ESPNL: variants seen among roughly 807,000 people sequenced by gnomAD.
The protein encoded by ESPNL is espin like.
In ESPNL, 49 loss-of-function variants were observed where a neutral mutation model predicts 46.8. That is an observed-to-expected ratio of 1.05 (90% CI 0.83 to 1.33). ESPNL has a LOEUF of 1.33. Among genes scored for constraint, ESPNL ranks in the 40% most tolerant of loss-of-function variants. The probability of loss-of-function intolerance (pLI) is 0.00; values close to 1 mark genes in which losing one functional copy is unlikely to be tolerated. For missense variants in ESPNL, 1,540 were observed against 1,436.6 expected (o/e 1.07, Z -1.16); for synonymous variants, 664 against 662.1 (o/e 1.00, Z -0.04).
intron 5 of ESPNL, among the ~76,000 whole-genome samples, chr2:238,118,361 GAAT>G (rs1574736409): frequency 5.4e-4 from 55 of 101,366 alleles, no homozygotes; most frequent in East Asian, 2.2e-3. Context: ...GATGGAGGAG[GAAT>G]GGATGGAGGA....
rs1691930371 is a variant in ESPNL at position 238,119,444 on chromosome 2, A to AT, written c.987+2410_987+2411insT. On this transcript the variant is annotated intron_variant, in intron 5 of 8. Transcript: ENST00000343063. Reference sequence around the variant, plus strand: ...AGGGTAGATGGAGGAGGGGAGGTGGAGGAGAGGAGGTTAGATGAAGGAGGA... The same window carrying AT: ...AGGGTAGATGGAGGAGGGGAGGTGGATGGAGAGGAGGTTAGATGAAGGAGGA... Among the ~76,000 whole-genome samples, 6 of 72,476 alleles carry AT rather than the reference A, an allele frequency of 8.3e-5. 1 individual carries two copies. Among genetic ancestry groups the AT allele is most frequent in the African/African-American group, 3.8e-4 (6 of 15,606 alleles). The allele number at this position is 72,476 out of a possible 152,430, so 47.5% of individuals were successfully genotyped here. A position where few individuals can be genotyped will look rare whatever the true frequency, so the allele number is the denominator to read the frequency against.
Position 238,124,693 on chromosome 2 carries a change from ACG to A in ESPNL, c.988-576_988-575del, listed in dbSNP as rs1461123671. Among the ~76,000 whole-genome samples the A allele has an allele frequency of 5.4e-4, 54 of 99,506 alleles. 3 individuals carry two copies. The South Asian group carries it at 0.014, about 26-fold the overall frequency. The allele number at this position is 99,506 out of a possible 152,430, so 65.3% of individuals were successfully genotyped here. On this transcript the variant is annotated intron_variant, in intron 5 of 8. Transcript: ENST00000343063. The stretch of plus-strand genomic sequence containing the variant: ...TACATGTGTGTGTGTGCAGGAGAGT[ACG>A]TGCATGTGTGTGCAGGAGAGTACGT...
intron 4 of ESPNL, among the ~76,000 whole-genome samples, chr2:238,116,182 T>C (rs1386225629): frequency 6.6e-6 from 1 of 152,166 alleles, no homozygotes; most frequent in Non-Finnish European, 1.5e-5. Context: ...ATTCTTGAGG[T>C]CCCCCGTCCC....
Position 238,100,677 on chromosome 2 carries a change from G to A in ESPNL, c.258G>A (p.Leu86=), listed in dbSNP as rs763461066. 2.8e-5 allele frequency: 41 copies of A among 1,438,654 alleles called. No homozygotes were observed. In the African/African-American group the frequency reaches 6.0e-4, roughly 21 times the overall value. 89.1% of individuals were successfully genotyped at this position (1,438,654 alleles called of 1,614,324 possible). ...CTGCCACGGGCAGCCTGGCCGAGCT[G>A]TGCTGGCTGGTCCGCGAGGGGGGCT... ...DAAATGSLAE[L]CWLVREGGCG... The change falls in exon 1 of 9, where the codon CTG becomes CTA. Residue 86 remains leucine, a synonymous_variant. Transcript: ENST00000343063.
At chr2:238,102,485 G>A (rs1691507115) in intron 2 of ESPNL, among the ~76,000 whole-genome samples, 1 of 152,172 alleles carries the variant, frequency 6.6e-6, no homozygotes, top group Non-Finnish European at 1.5e-5. Flanking sequence ...GTGGGCAGCT[G>A]GCAACCTGTG....
chr2:238,124,784 AGTAC>A (rs749000272), intron 5 of ESPNL, among the ~76,000 whole-genome samples: 3 of 139,552 alleles, frequency 2.1e-5, no homozygotes, highest in Middle Eastern at 4.3e-3. Context: ...TGTGCAGGAG[AGTAC>A]GTGCGTGTGT....
chr2:238,126,726 G>A (rs955405032), intron 6 of ESPNL, among the ~76,000 whole-genome samples: 8 of 151,096 alleles, frequency 5.3e-5, no homozygotes, highest in Non-Finnish European at 7.4e-5. Context: ...GTGTCTCTGC[G>A]TATGATTGTG....
At chr2:238,102,946 G>A (rs1242229095) in intron 2 of ESPNL, among the ~76,000 whole-genome samples, 3 of 152,174 alleles carry the variant, frequency 2.0e-5, no homozygotes, top group Admixed American at 6.5e-5. Flanking sequence ...GACAAGCCCC[G>A]ACAGCTTGCT....
chr2:238,120,413 G>A (rs1453880631), intron 5 of ESPNL, among the ~76,000 whole-genome samples: 3 of 152,216 alleles, frequency 2.0e-5, no homozygotes, highest in Admixed American at 1.3e-4. Flanking sequence ...GACCTCCTGG[G>A]AGTCCCTGAC....
At position 238,130,236 on chromosome 2, in the gene ESPNL, G is replaced by C. The variant is rs74998872; in HGVS notation, c.1522G>C (p.Val508Leu). ...FGELLTEDDL[V>L]YLEKQIADLQ... ...GGAGCTGCTGACAGAGGATGACCTGGTCTACCTGGAGAAGCAGATTGCAGA... is the reference window on the plus strand; with the variant it reads ...GGAGCTGCTGACAGAGGATGACCTGCTCTACCTGGAGAAGCAGATTGCAGA... Residue 508 changes from valine (V) to leucine (L), a missense_variant, in exon 9 of 9, where the codon GTC becomes CTC. Transcript: ENST00000343063. 222 of 1,611,360 alleles carry C rather than the reference G, an allele frequency of 1.4e-4. No individual in the cohort carries two copies. In the East Asian group the frequency reaches 4.5e-3, roughly 33 times the overall value.
In ESPNL at chr2:238,131,562, CCCCTGCCT is replaced by C; in HGVS notation, c.2850_2857del (p.Leu951ArgfsTer9). 1 of 1,610,980 alleles carries C rather than the reference CCCCTGCCT, an allele frequency of 6.2e-7. No homozygotes were observed. Among genetic ancestry groups the C allele is most frequent in the Non-Finnish European group, 8.5e-7 (1 of 1,178,916 alleles). On this transcript the variant is annotated frameshift_variant, in exon 9 of 9. Coordinates refer to ENST00000343063, the MANE Select transcript of ESPNL (RefSeq NM_194312.4). LOFTEE classifies it low-confidence loss of function (END_TRUNC). The stretch of plus-strand genomic sequence containing the variant: ...CAAGTCAGGTCTGACCCTGCTCGGG[CCCCTGCCT>C]CACGCCGCCGTCCCCTGCAGCGGCC...
intron 4 of ESPNL, among the ~76,000 whole-genome samples, chr2:238,116,493 A>G (rs560638557): frequency 6.6e-6 from 1 of 152,312 alleles, no homozygotes; most frequent in South Asian, 2.1e-4. Flanking sequence ...AGTAGCCCTG[A>G]GTCCCTGGGG....
Position 238,104,808 on chromosome 2 carries a change from C to T in ESPNL, c.638C>T (p.Ala213Val), listed in dbSNP as rs376798619. 150 of 1,553,144 alleles carry T rather than the reference C, an allele frequency of 9.7e-5. No individual in the cohort carries two copies. The highest frequency in any genetic ancestry group is 1.3e-4 in the Non-Finnish European group (146 of 1,151,288). ...LDGMSALHAA[A>V]ARGHYSLVVW... Reference sequence around the variant, plus strand: ...GGCATGAGCGCCCTGCACGCTGCCGCCGCCCGTGGCCACTACTCCCTCGTC... The same window carrying T: ...GGCATGAGCGCCCTGCACGCTGCCGTCGCCCGTGGCCACTACTCCCTCGTC... The change falls in exon 3 of 9, where the codon GCC (alanine) becomes GTC (valine). Residue 213 changes from alanine (A) to valine (V), a missense_variant. Coordinates refer to ENST00000343063, the MANE Select transcript of ESPNL (RefSeq NM_194312.4).
chr2:238,113,761 G>A (rs533914064), intron 4 of ESPNL, among the ~76,000 whole-genome samples: 53 of 152,230 alleles, frequency 3.5e-4, no homozygotes, highest in African/African-American at 1.1e-3. Context: ...TGGCCACATC[G>A]GGAGGTGGTC....
chr2:238,100,525 G>A lies in ESPNL; in HGVS notation c.106G>A (p.Gly36Arg). ...ALGPGITDAL[G>R]AGLVHHATRA... is the part of the protein sequence containing the mutation. Reference sequence around the variant, plus strand: ...GGGCCCGGGCATCACCGATGCTCTGGGGGCCGGCCTGGTTCACCACGCCAC... The same window carrying A: ...GGGCCCGGGCATCACCGATGCTCTGAGGGCCGGCCTGGTTCACCACGCCAC... The change falls in exon 1 of 9, where the codon GGG becomes AGG. Residue 36 changes from glycine to arginine, a missense_variant. Coordinates refer to ENST00000343063, the MANE Select transcript of ESPNL (RefSeq NM_194312.4). 6.3e-7 allele frequency: 1 copy of A among 1,596,112 alleles called. No homozygotes were observed. The highest frequency in any genetic ancestry group is 8.5e-7 in the Non-Finnish European group (1 of 1,174,000).
In ESPNL at chr2:238,131,717, C is replaced by A; in HGVS notation, c.3003C>A (p.Phe1001Leu). 6.3e-7 allele frequency: 1 copy of A among 1,585,588 alleles called. No individual in the cohort carries two copies. Among genetic ancestry groups the A allele is most frequent in the South Asian group, 1.1e-5 (1 of 89,388 alleles). ...AFWKEKEAEMFNFGE is the reference protein window; with the variant it reads ...AFWKEKEAEMLNFGE Reference sequence around the variant, plus strand: ...GGAAGGAGAAGGAAGCTGAGATGTTCAACTTTGGAGAATGACCCTACTGGC... The same window carrying A: ...GGAAGGAGAAGGAAGCTGAGATGTTAAACTTTGGAGAATGACCCTACTGGC... Residue 1001 changes from phenylalanine to leucine, a missense_variant, in exon 9 of 9, where the codon TTC (phenylalanine) becomes TTA (leucine). By Grantham distance (22) the Phe-to-Leu change is conservative (BLOSUM62 0). Coordinates refer to ENST00000343063, the MANE Select transcript of ESPNL (RefSeq NM_194312.4).
Position 238,128,807 on chromosome 2 carries a change from G to A in ESPNL, c.1316G>A (p.Arg439Gln), listed in dbSNP as rs1044194444. 16 of 1,557,876 alleles carry A rather than the reference G, an allele frequency of 1.0e-5. No individual in the cohort carries two copies. The highest frequency in any genetic ancestry group is 1.3e-5 in the Non-Finnish European group (15 of 1,151,864). Residue 439 changes from arginine to glutamine, a missense_variant, in exon 8 of 9, where the codon CGG becomes CAG. Physicochemically the swap from Arg to Gln is conservative, Grantham distance 43 (BLOSUM62 1). Transcript: ENST00000343063. ...SGDIDGLVPT[R>Q]DERGQPIPEW... is the part of the protein sequence containing the mutation. ...GACATCGACGGGCTGGTGCCCACGC[G>A]GGATGAGCGCGGCCAGCCCATCCCA... is the stretch of plus-strand genomic sequence containing the variant.
intron 6 of ESPNL, among the ~76,000 whole-genome samples, chr2:238,126,326 C>T (rs1559266641): frequency 1.4e-5 from 2 of 146,828 alleles, no homozygotes; most frequent in Non-Finnish European, 3.0e-5. Context: ...GTGATTGTGT[C>T]TGTGTGTCTG....
intron 6 of ESPNL, among the ~76,000 whole-genome samples, chr2:238,126,052 G>T (rs116731782): frequency 8.5e-6 from 1 of 117,486 alleles, no homozygotes; most frequent in Admixed American, 8.9e-5. Context: ...TTATGTCTGT[G>T]TGTATGTGTG....
Sources: gnomAD v4.1 joint callset for allele counts (sites outside exome capture counted in the v4.1 genomes callset) on GRCh38, gnomAD v4.1.1 for gene constraint, MANE v1.5 for transcripts, NCBI Gene and HGNC (gene_info 2026-07-23, HGNC 2026-07-21) for gene names.